Variants in TCF4 observed in about 807,000 individuals in gnomAD.
TCF4 encodes the protein SL3-3 enhancer factor 2.
In TCF4, 3 loss-of-function variants were observed where a neutral mutation model predicts 82.1. The observed-to-expected ratio is 0.04, with a 90% CI of 0.02 to 0.09. The LOEUF (loss-of-function observed/expected upper bound fraction) is 0.09. Ranked by LOEUF, TCF4 falls within the 10% of genes least tolerant of loss-of-function variation. The pLI, the probability that TCF4 is intolerant of heterozygous loss-of-function variation, is 1.00. For synonymous variants in TCF4, 276 were observed against 309.6 expected (o/e 0.89, Z 1.14); for missense variants, 518 against 852.7 (o/e 0.61, Z 4.89).
intron 14 of TCF4, among the ~76,000 whole-genome samples, chr18:55,255,424 T>C (rs542694086): frequency 2.6e-5 from 4 of 152,306 alleles, no homozygotes; most frequent in African/African-American, 9.6e-5. Flanking sequence ...AAGCCCCAAC[T>C]ATAGCATAGA....
At chr18:55,354,063 G>A (rs1188971296) in intron 6 of TCF4, among the ~76,000 whole-genome samples, 1 of 152,184 alleles carries the variant, frequency 6.6e-6, no homozygotes, top group Non-Finnish European at 1.5e-5. Flanking sequence ...GAGCTAACCT[G>A]TAAATCTTAA....
At chr18:55,243,689 C>T (rs2052095895) in intron 15 of TCF4, among the ~76,000 whole-genome samples, 1 of 152,072 alleles carries the variant, frequency 6.6e-6, no homozygotes, top group Non-Finnish European at 1.5e-5. Context: ...CAGTAGGTAT[C>T]TGCAGAACCC....
At position 55,470,795 on chromosome 18, in the gene TCF4, T is replaced by C. The variant is rs1431753594; in HGVS notation, c.146-6658A>G. Among the ~76,000 whole-genome samples the C allele has an allele frequency of 2.0e-5, 3 of 152,194 alleles. No individual in the cohort carries two copies. The East Asian group carries it at 5.8e-4, about 29-fold the overall frequency. ...AGATTCCTGCTCTTGTGGAAATATA[T>C]TGATTTCTTAATAAAAATTTCAACA... On this transcript the variant is annotated intron_variant, in intron 3 of 19. Coordinates refer to ENST00000354452, the MANE Select transcript of TCF4 (RefSeq NM_001083962.2).
intron 6 of TCF4, among the ~76,000 whole-genome samples, chr18:55,360,139 G>T (rs1328264834): frequency 6.6e-6 from 1 of 152,152 alleles, no homozygotes; most frequent in Middle Eastern, 3.2e-3. Context: ...GGTTATTGTG[G>T]GAACATAGCA....
chr18:55,587,891 G>A, intron 1 of TCF4, 147 bp downstream of exon 1: 2 of 647,972 alleles, frequency 3.1e-6, no homozygotes, highest in Non-Finnish European at 3.8e-6. Context: ...GAAGCGGCGG[G>A]AGGGGAAGGG....
At chr18:55,360,492 C>T (rs150202082) in intron 6 of TCF4, among the ~76,000 whole-genome samples, 2,113 of 152,284 alleles carry the variant, frequency 0.014, 23 homozygotes, top group Non-Finnish European at 0.024. Context: ...TACCTAAAAA[C>T]AATCTTCTAA....
chr18:55,598,510 CATGGTGGCAGTG>C (rs1188704251), intron 2 of TCF4, among the ~76,000 whole-genome samples: 1 of 152,110 alleles, frequency 6.6e-6, no homozygotes, highest in Non-Finnish European at 1.5e-5. Flanking sequence ...AGGATGATCA[CATGGTGGCAGTG>C]ATAAGATGTG....
At chr18:55,595,533 T>G (rs1310908159) in intron 2 of TCF4, among the ~76,000 whole-genome samples, 1 of 152,198 alleles carries the variant, frequency 6.6e-6, no homozygotes, top group African/African-American at 2.4e-5. Flanking sequence ...CATAACAGAT[T>G]GATGTTTAAG....
At chr18:55,481,103 CAAAAAAAAAAAA>C (rs74180501) in intron 3 of TCF4, among the ~76,000 whole-genome samples, 2 of 80,566 alleles carry the variant, frequency 2.5e-5, no homozygotes, top group Non-Finnish European at 4.6e-5. Context: ...GACTCCATCT[CAAAAAAAAAAAA>C]AAAAAAAAAA....
chr18:55,469,983 A>G (rs1053929529), intron 3 of TCF4, among the ~76,000 whole-genome samples: 8 of 152,228 alleles, frequency 5.3e-5, no homozygotes, highest in Non-Finnish European at 1.2e-4. Context: ...GCTGGAACCC[A>G]GGGAAGAAGA....
chr18:55,593,233 C>A (rs2147929662), upstream of TCF4, among the ~76,000 whole-genome samples: 1 of 151,958 alleles, frequency 6.6e-6, no homozygotes, highest in Non-Finnish European at 1.5e-5. Context: ...TCTTTGTGAC[C>A]TTGGGCAAGT....
chr18:55,406,905 G>C (rs1362765949), intron 5 of TCF4, among the ~76,000 whole-genome samples: 1 of 152,160 alleles, frequency 6.6e-6, no homozygotes, highest in Non-Finnish European at 1.5e-5. Flanking sequence ...ATATTTTTTG[G>C]CACAAAGACA....
At chr18:55,458,194 C>T (rs2095803993) in intron 5 of TCF4, among the ~76,000 whole-genome samples, 1 of 152,162 alleles carries the variant, frequency 6.6e-6, no homozygotes, top group Non-Finnish European at 1.5e-5. Context: ...GAATCTGCTC[C>T]AATAAAGTGG....
chr18:55,278,207 C>T (rs2061832767), intron 9 of TCF4, among the ~76,000 whole-genome samples: 1 of 151,676 alleles, frequency 6.6e-6, no homozygotes, highest in Non-Finnish European at 1.5e-5. Context: ...TCCACTATAT[C>T]AGGCTGCTTC....
At chr18:55,458,920 T>A (rs73479263) in intron 5 of TCF4, among the ~76,000 whole-genome samples, 22 of 152,276 alleles carry the variant, frequency 1.4e-4, no homozygotes, top group African/African-American at 5.3e-4. Context: ...GCCGTTAATG[T>A]CAGATAAACC....
intron 3 of TCF4, among the ~76,000 whole-genome samples, chr18:55,565,707 T>C (rs951129561): frequency 1.3e-5 from 2 of 152,052 alleles, no homozygotes; most frequent in African/African-American, 4.8e-5. Flanking sequence ...TAAAATTGCA[T>C]AGTCTATTTT....
chr18:55,480,138 G>T (rs878867913), intron 3 of TCF4, among the ~76,000 whole-genome samples: 1 of 152,112 alleles, frequency 6.6e-6, no homozygotes, highest in East Asian at 1.9e-4. Context: ...AAATTCTGAA[G>T]AACATCTTTA....
chr18:55,476,167 T>C (rs1044675051), intron 3 of TCF4, among the ~76,000 whole-genome samples: 11 of 129,086 alleles, frequency 8.5e-5, no homozygotes, highest in Admixed American at 2.4e-4. Context: ...TTCCATGGGC[T>C]GACGTACAAA....
chr18:55,254,849 AGTG>A, intron 14 of TCF4, 149 bp from the exon 15 acceptor site: 2 of 790,040 alleles, frequency 2.5e-6, no homozygotes, highest in Non-Finnish European at 4.2e-6. Context: ...TAATACAAAT[AGTG>A]TTGTTTCCAG....
Sources: allele counts gnomAD v4.1 joint callset (sites outside exome capture counted in the v4.1 genomes callset), GRCh38; gene constraint gnomAD v4.1.1; transcripts MANE v1.5; gene names NCBI Gene and HGNC (gene_info 2026-07-23, HGNC 2026-07-21).